SLC35G2: variants seen among roughly 807,000 people sequenced by gnomAD.
SLC35G2 encodes the protein transmembrane protein 22.
In SLC35G2, 20 loss-of-function variants were observed where a neutral mutation model predicts 27.2. The ratio of observed to expected loss-of-function variants is 0.74; its 90% CI spans 0.52 to 1.07. The LOEUF is 1.07. Among genes scored for constraint, SLC35G2 ranks in the 50% least tolerant of loss-of-function variants. The pLI, the probability that SLC35G2 is intolerant of heterozygous loss-of-function variation, is 0.00. For missense variants in SLC35G2, 416 were observed against 493.3 expected, an observed-to-expected ratio of 0.84 and a Z score of 1.48; for synonymous variants, 148 against 165.3, an observed-to-expected ratio of 0.90 and a Z score of 0.80.
intron 1 of SLC35G2, chr3:136,842,062 A>G (rs1937122300): frequency 1.3e-5 from 2 of 151,628 alleles, no homozygotes; most frequent in Admixed American, 6.5e-5. Context: ...AAGTATTTTG[A>G]AATAAAGATA....
At chr3:136,850,033 G>T (rs1020281380) in intron 1 of SLC35G2, among the ~76,000 whole-genome samples, 5 of 152,168 alleles carry the variant, frequency 3.3e-5, no homozygotes, top group Non-Finnish European at 5.9e-5. Flanking sequence ...CTTGAAGCCG[G>T]GAGGTGGAGG....
In SLC35G2 at chr3:136,819,420, C is replaced by G. The variant is rs932321496; in HGVS notation, c.-227C>G. 5 of 152,398 alleles carry G rather than the reference C, an allele frequency of 3.3e-5. No homozygotes were observed. Among genetic ancestry groups the G allele is most frequent in the African/African-American group, 1.2e-4 (5 of 41,472 alleles). 9.4% of individuals were successfully genotyped at this position (152,398 alleles called of 1,614,324 possible). On this transcript the variant is annotated 5_prime_UTR_variant, in exon 1 of 2. Transcript: ENST00000446465. ...CCCGCTTTGCAGACTTCGGGGTGCT[C>G]TGCACGACGCCTGAAAGGCCGCGGG...
chr3:136,833,717 C>T lies in SLC35G2; in HGVS notation c.-19+14089C>T, dbSNP rs1229729244. ...GAGGTAGAACTCAGGCAGTAATGCTCGCTTGCTCTCCACTCACCTCCTGTT... is the reference window on the plus strand; with the variant it reads ...GAGGTAGAACTCAGGCAGTAATGCTTGCTTGCTCTCCACTCACCTCCTGTT... On this transcript the variant is annotated intron_variant, in intron 1 of 1. Coordinates refer to ENST00000446465, the MANE Select transcript of SLC35G2 (RefSeq NM_025246.3). Among the ~76,000 whole-genome samples, 5 of 152,068 alleles carry T rather than the reference C, an allele frequency of 3.3e-5. No individual in the cohort carries two copies. In the East Asian group the frequency reaches 5.8e-4, roughly 18 times the overall value.
chr3:136,850,732 G>A lies in SLC35G2; in HGVS notation c.-18-3711G>A, dbSNP rs138567167. On this transcript the variant is annotated intron_variant, in intron 1 of 1. Transcript: ENST00000446465. The stretch of plus-strand genomic sequence containing the variant: ...AATGCAGCTGGGCGTGGTGGCTCAC[G>A]CCTGTAATCCCAGCATTTTGAGAGG... 1.9e-3 allele frequency among the ~76,000 whole-genome samples: 283 copies of A among 151,886 alleles called. 1 individual carries two copies. Among genetic ancestry groups the A allele is most frequent in the African/African-American group, 6.5e-3 (269 of 41,462 alleles).
chr3:136,841,494 C>T (rs559736150), intron 1 of SLC35G2, among the ~76,000 whole-genome samples: 86 of 151,722 alleles, frequency 5.7e-4, no homozygotes, highest in African/African-American at 1.8e-3. Flanking sequence ...TTTGGGAGGC[C>T]GAGGTGGGTG....
intron 1 of SLC35G2, among the ~76,000 whole-genome samples, chr3:136,830,246 T>C (rs200411551): frequency 3.4e-5 from 5 of 147,856 alleles, no homozygotes; most frequent in Admixed American, 3.4e-4. Flanking sequence ...GTAGCTGGGA[T>C]TACAGGCACA....
At chr3:136,852,481 G>T (rs1223767766) in intron 1 of SLC35G2, among the ~76,000 whole-genome samples, 6 of 151,376 alleles carry the variant, frequency 4.0e-5, no homozygotes, top group Admixed American at 1.3e-4. Context: ...GAAAAAAAAA[G>T]ATTTTTTTTC....
At chr3:136,825,527 C>G (rs999268254) in intron 1 of SLC35G2, among the ~76,000 whole-genome samples, 5 of 152,176 alleles carry the variant, frequency 3.3e-5, no homozygotes, top group African/African-American at 9.7e-5. Context: ...CAGGCATGAG[C>G]CACCTTGCCC....
chr3:136,831,870 T>A (rs1245623888), intron 1 of SLC35G2, among the ~76,000 whole-genome samples: 1 of 152,072 alleles, frequency 6.6e-6, no homozygotes, highest in East Asian at 1.9e-4. Context: ...ATAATACATG[T>A]AAAGTGCTTG....
In SLC35G2 at chr3:136,821,586, C is replaced by T. The variant is rs545528299; in HGVS notation, c.-19+1958C>T. Among the ~76,000 whole-genome samples, 19 of 152,172 alleles carry T rather than the reference C, an allele frequency of 1.2e-4. No homozygotes were observed. The South Asian group carries it at 1.5e-3, about 12-fold the overall frequency. On this transcript the variant is annotated intron_variant, in intron 1 of 1. Coordinates refer to ENST00000446465, the MANE Select transcript of SLC35G2 (RefSeq NM_025246.3). ...CTCAGCCTCTTGAGTAGCTGGCCACCGCACCCAGCTAGTTTTTATATTTTT... is the reference window on the plus strand; with the variant it reads ...CTCAGCCTCTTGAGTAGCTGGCCACTGCACCCAGCTAGTTTTTATATTTTT...
chr3:136,855,178 A>G lies in SLC35G2; in HGVS notation c.718A>G (p.Asn240Asp), dbSNP rs1399653767. The G allele has an allele frequency of 2.5e-6, 4 of 1,614,024 alleles. No homozygotes were observed. The highest frequency in any genetic ancestry group is 1.1e-5 in the South Asian group (1 of 91,086). Reference protein sequence around the residue: ...ILGVCLVMIPNIVDEDNSLLN... With the variant: ...ILGVCLVMIPDIVDEDNSLLN... ...AGGTGTTTGTCTTGTCATGATCCCAAACATTGTTGATGAAGACAATTCTTT... is the reference window on the plus strand; with the variant it reads ...AGGTGTTTGTCTTGTCATGATCCCAGACATTGTTGATGAAGACAATTCTTT... Residue 240 changes from asparagine to aspartate, a missense_variant, in exon 2 of 2, where the codon AAC becomes GAC. Asn to Asp is a conservative substitution (Grantham distance 23). Coordinates refer to ENST00000446465, the MANE Select transcript of SLC35G2 (RefSeq NM_025246.3).
intron 1 of SLC35G2, among the ~76,000 whole-genome samples, chr3:136,833,899 A>G (rs1936798275): frequency 6.6e-6 from 1 of 152,042 alleles, no homozygotes; most frequent in Admixed American, 6.6e-5. Context: ...AATTCTATGT[A>G]TTGTAATATA....
chr3:136,840,503 CCCCTCCCTCCCTTCCTCTCTCTCT>C (rs1344782226), intron 1 of SLC35G2, among the ~76,000 whole-genome samples: 2 of 150,906 alleles, frequency 1.3e-5, no homozygotes, highest in Non-Finnish European at 3.0e-5. Context: ...TCCTCTTCCT[CCCCTCCCTCCCTTCCTCTCTCTCT>C]CCCTCCCTCC....
At chr3:136,852,907 T>C (rs939431305) in intron 1 of SLC35G2, among the ~76,000 whole-genome samples, 15 of 152,092 alleles carry the variant, frequency 9.9e-5, no homozygotes, top group Non-Finnish European at 1.5e-5. Context: ...GAAATAATAA[T>C]ATTGTAGAAG....
intron 1 of SLC35G2, among the ~76,000 whole-genome samples, chr3:136,851,081 C>T (rs1378515034): frequency 2.0e-5 from 3 of 151,992 alleles, no homozygotes; most frequent in African/African-American, 7.3e-5. Flanking sequence ...TATTAGATTA[C>T]AAAATATTAG....
chr3:136,852,812 G>A lies in SLC35G2; in HGVS notation c.-18-1631G>A, dbSNP rs151121205. Among the ~76,000 whole-genome samples the A allele has an allele frequency of 3.2e-3, 479 of 151,970 alleles. 6 individuals are homozygous for A. The highest frequency in any genetic ancestry group is 0.011 in the African/African-American group (463 of 41,480). ...CTGGTCTCTTTTTTGTTTTTTAAGCGGGAGGAGAGGATCATTGGGAGGGAA... is the reference window on the plus strand; with the variant it reads ...CTGGTCTCTTTTTTGTTTTTTAAGCAGGAGGAGAGGATCATTGGGAGGGAA... On this transcript the variant is annotated intron_variant, in intron 1 of 1. Coordinates refer to ENST00000446465, the MANE Select transcript of SLC35G2 (RefSeq NM_025246.3).
chr3:136,851,768 A>AAGTTTT (rs1485529985), intron 1 of SLC35G2, among the ~76,000 whole-genome samples: 1 of 152,118 alleles, frequency 6.6e-6, no homozygotes, highest in East Asian at 1.9e-4. Flanking sequence ...AAAGCTTGAG[A>AAGTTTT]AGTTTTTGTT....
intron 1 of SLC35G2, among the ~76,000 whole-genome samples, chr3:136,852,262 T>C (rs928546308): frequency 2.0e-5 from 3 of 152,050 alleles, no homozygotes; most frequent in Admixed American, 2.0e-4. Context: ...GGCTAGGAAA[T>C]AGAAGGGTTT....
rs546729339 is a variant in SLC35G2 at position 136,819,339 on chromosome 3, C to T, written c.-308C>T. 4 of 152,516 alleles carry T rather than the reference C, an allele frequency of 2.6e-5. No homozygotes were observed. The highest frequency in any genetic ancestry group is 2.1e-4 in the South Asian group (1 of 4,836). The allele number at this position is 152,516 out of a possible 1,614,324, so 9.4% of individuals were successfully genotyped here. ...ACACACCCGCGTTTAGCCGCCACAC[C>T]TAAGGGGCACAACAGTCTTTTTGGG... On this transcript the variant is annotated 5_prime_UTR_variant, in exon 1 of 2. Coordinates refer to ENST00000446465, the MANE Select transcript of SLC35G2 (RefSeq NM_025246.3).
Sources: gnomAD v4.1 joint callset for allele counts (sites outside exome capture counted in the v4.1 genomes callset) on GRCh38, gnomAD v4.1.1 for gene constraint, MANE v1.5 for transcripts, NCBI Gene and HGNC (gene_info 2026-07-23, HGNC 2026-07-21) for gene names.